The following SLC1A2 variants were observed in gnomAD, a reference collection of about 807,000 sequenced individuals.
SLC1A2 encodes the protein excitatory amino acid transporter 2.
SLC1A2 carries 15 observed loss-of-function variants against 48.8 expected under a neutral mutation model. That is an observed-to-expected ratio of 0.31 (90% CI 0.21 to 0.47). The LOEUF is 0.47. SLC1A2 is among the 20% of genes least tolerant of loss of function. SLC1A2 has a pLI of 0.99. For synonymous variants in SLC1A2, 279 were observed against 272.6 expected (o/e 1.02, Z -0.23); for missense variants, 502 against 730.5 (o/e 0.69, Z 3.61).
rs1345769390 is a variant in SLC1A2 at position 35,254,755 on chromosome 11, C to A, written c.*6139G>T. 4 of 455,842 alleles carry A rather than the reference C, an allele frequency of 8.8e-6. No homozygotes were observed. Among genetic ancestry groups the A allele is most frequent in the Non-Finnish European group, 1.8e-5 (4 of 226,874 alleles). The allele number at this position is 455,842 out of a possible 1,614,324, so 28.2% of individuals were successfully genotyped here. On this transcript the variant is annotated 3_prime_UTR_variant, in exon 11 of 11. Coordinates refer to ENST00000278379, the MANE Select transcript of SLC1A2 (RefSeq NM_004171.4). Reference sequence around the variant, plus strand: ...TTCTCTAGGTCAACTTCTGACTCTACAAAGCAGTGAGGTCTGTTCCAATAG... The same window carrying A: ...TTCTCTAGGTCAACTTCTGACTCTAAAAAGCAGTGAGGTCTGTTCCAATAG...
In SLC1A2 at chr11:35,416,181, G is replaced by A. The variant is rs999780954; in HGVS notation, c.17+2769C>T. Among the ~76,000 whole-genome samples the A allele has an allele frequency of 4.2e-4, 64 of 152,200 alleles. 2 individuals carry two copies. Among genetic ancestry groups the A allele is most frequent in the Non-Finnish European group, 2.9e-5 (2 of 68,038 alleles). ...AAAAAACCAGACTGTGGTGGCATAT[G>A]CTCTGTACAGGCAAAGATCAATGCA... On this transcript the variant is annotated intron_variant, in intron 1 of 10. Coordinates refer to ENST00000278379, the MANE Select transcript of SLC1A2 (RefSeq NM_004171.4).
chr11:35,351,308 C>T (rs191481432), intron 1 of SLC1A2, among the ~76,000 whole-genome samples: 63 of 152,318 alleles, frequency 4.1e-4, no homozygotes, highest in Middle Eastern at 3.4e-3. Flanking sequence ...AGTGAACTTC[C>T]CACTCCTTCT....
At chr11:35,388,685 A>G (rs1854659006) in intron 1 of SLC1A2, among the ~76,000 whole-genome samples, 1 of 152,154 alleles carries the variant, frequency 6.6e-6, no homozygotes, top group African/African-American at 2.4e-5. Context: ...ATGAGCCACC[A>G]TGCCCCACTC....
At chr11:35,387,090 CT>C (rs1379034750) in intron 1 of SLC1A2, among the ~76,000 whole-genome samples, 1 of 152,134 alleles carries the variant, frequency 6.6e-6, no homozygotes, top group Non-Finnish European at 1.5e-5. Context: ...GACCTTCTGA[CT>C]TTCCCATCTT....
At chr11:35,353,080 G>A (rs1853324269) in intron 1 of SLC1A2, among the ~76,000 whole-genome samples, 1 of 152,020 alleles carries the variant, frequency 6.6e-6, no homozygotes, top group Non-Finnish European at 1.5e-5. Flanking sequence ...AAATTGGGAT[G>A]CATATTATAG....
At chr11:35,271,476 G>T (rs1850278036) in intron 9 of SLC1A2, among the ~76,000 whole-genome samples, 1 of 152,198 alleles carries the variant, frequency 6.6e-6, no homozygotes. Flanking sequence ...GCCTGCAAAA[G>T]TTAAAGGAAA....
intron 1 of SLC1A2, among the ~76,000 whole-genome samples, chr11:35,377,809 A>C (rs1854293350): frequency 6.6e-6 from 1 of 152,256 alleles, no homozygotes; most frequent in Non-Finnish European, 1.5e-5. Flanking sequence ...CTGAACAGAA[A>C]GAAACGTTTT....
intron 9 of SLC1A2, 23 bp from the exon 10 acceptor site, chr11:35,265,781 G>C (rs748679625): frequency 6.8e-7 from 1 of 1,474,894 alleles, no homozygotes; most frequent in South Asian, 1.2e-5. Flanking sequence ...AACAGAAAAG[G>C]TTCAGTGAGG....
chr11:35,338,868 A>G (rs1346741762), intron 1 of SLC1A2, among the ~76,000 whole-genome samples: 4 of 152,206 alleles, frequency 2.6e-5, no homozygotes, highest in Non-Finnish European at 5.9e-5. Context: ...GATCAAGATC[A>G]CATAACCAGT....
At chr11:35,379,718 T>C (rs1854362036) in intron 1 of SLC1A2, among the ~76,000 whole-genome samples, 1 of 152,246 alleles carries the variant, frequency 6.6e-6, no homozygotes, top group Non-Finnish European at 1.5e-5. Context: ...AGAACTTACT[T>C]ATGCTTATCC....
chr11:35,325,404 C>T (rs985130302), intron 1 of SLC1A2, among the ~76,000 whole-genome samples: 1 of 152,240 alleles, frequency 6.6e-6, no homozygotes, highest in East Asian at 1.9e-4. Context: ...AGAACATAAA[C>T]ACTTTGAGGA....
chr11:35,416,434 G>A (rs985750107), intron 1 of SLC1A2, among the ~76,000 whole-genome samples: 27 of 152,186 alleles, frequency 1.8e-4, no homozygotes, highest in Admixed American at 3.3e-4. Flanking sequence ...CAGAGTTACT[G>A]GAAGAATCAA....
At chr11:35,360,781 C>A (rs1279247647) in intron 1 of SLC1A2, among the ~76,000 whole-genome samples, 1 of 152,206 alleles carries the variant, frequency 6.6e-6, no homozygotes, top group African/African-American at 2.4e-5. Context: ...ATGTCACCTT[C>A]CATGGCTTCC....
intron 1 of SLC1A2, among the ~76,000 whole-genome samples, chr11:35,346,851 G>T (rs1383794262): frequency 1.3e-5 from 2 of 152,220 alleles, no homozygotes; most frequent in Non-Finnish European, 2.9e-5. Flanking sequence ...ATGGGAGCAG[G>T]ACTCCCCATG....
chr11:35,409,170 T>C (rs1010988609), intron 1 of SLC1A2, among the ~76,000 whole-genome samples: 1 of 152,218 alleles, frequency 6.6e-6, no homozygotes, highest in Non-Finnish European at 1.5e-5. Context: ...TATCTTAATA[T>C]TTGCCAGTGG....
chr11:35,270,756 A>G (rs1388253711), intron 9 of SLC1A2, among the ~76,000 whole-genome samples: 1 of 152,242 alleles, frequency 6.6e-6, no homozygotes, highest in Non-Finnish European at 1.5e-5. Flanking sequence ...CAAGAAAATG[A>G]GATAGAGAGA....
intron 1 of SLC1A2, among the ~76,000 whole-genome samples, chr11:35,376,900 C>T (rs1195556488): frequency 1.3e-5 from 2 of 152,178 alleles, no homozygotes; most frequent in African/African-American, 4.8e-5. Context: ...TTGATGGAAG[C>T]TGCTAGGAAA....
intron 1 of SLC1A2, among the ~76,000 whole-genome samples, chr11:35,341,191 T>C (rs1000510949): frequency 1.3e-5 from 2 of 152,136 alleles, no homozygotes; most frequent in Non-Finnish European, 2.9e-5. Context: ...CATATTAACC[T>C]CTTAATTGTT....
intron 1 of SLC1A2, among the ~76,000 whole-genome samples, chr11:35,362,425 C>T (rs1301157523): frequency 6.6e-6 from 1 of 152,172 alleles, no homozygotes; most frequent in Non-Finnish European, 1.5e-5. Context: ...CTGCAGTGGA[C>T]ATCTTTTGGA....
Sources: allele counts gnomAD v4.1 joint callset (sites outside exome capture counted in the v4.1 genomes callset), GRCh38; gene constraint gnomAD v4.1.1; transcripts MANE v1.5; gene names NCBI Gene and HGNC (gene_info 2026-07-23, HGNC 2026-07-21).